ASIC2: variants seen among roughly 807,000 people sequenced by gnomAD.
ASIC2 encodes acid-sensing ion channel 2.
ASIC2 carries 25 observed loss-of-function variants against 57.3 expected under a neutral mutation model. The observed-to-expected ratio is 0.44, with a 90% CI of 0.32 to 0.61. The LOEUF (loss-of-function observed/expected upper bound fraction) is 0.61. ASIC2 is among the 20% of genes least tolerant of loss of function. ASIC2 has a pLI of 0.06. For synonymous variants in ASIC2, 319 were observed against 307.5 expected, an observed-to-expected ratio of 1.04 and a Z score of -0.39; for missense variants, 641 against 738.1, an observed-to-expected ratio of 0.87 and a Z score of 1.52.
chr17:34,032,304 G>A (rs1462681417), intron 1 of ASIC2, among the ~76,000 whole-genome samples: 1 of 152,132 alleles, frequency 6.6e-6, no homozygotes, highest in Non-Finnish European at 1.5e-5. Context: ...TTACAGACAA[G>A]CAAATGCTGA....
chr17:33,553,645 T>G (rs1915818671), intron 1 of ASIC2, among the ~76,000 whole-genome samples: 1 of 152,124 alleles, frequency 6.6e-6, no homozygotes, highest in South Asian at 2.1e-4. Context: ...CTGAGAAAGC[T>G]TCTTTAATAC....
chr17:33,724,501 C>G (rs542223497), intron 1 of ASIC2, among the ~76,000 whole-genome samples: 2 of 152,228 alleles, frequency 1.3e-5, no homozygotes, highest in African/African-American at 4.8e-5. Flanking sequence ...CCTGGGAGAG[C>G]TGAAGGTGAC....
chr17:33,250,996 T>G (rs1312609936), intron 1 of ASIC2, among the ~76,000 whole-genome samples: 1 of 152,246 alleles, frequency 6.6e-6, no homozygotes, highest in Non-Finnish European at 1.5e-5. Context: ...GCAGGCCAAA[T>G]TCTTAATGTT....
At position 34,024,788 on chromosome 17, in the gene ASIC2, T is replaced by C. The variant is rs115400137; in HGVS notation, c.555+131190A>G. Among the ~76,000 whole-genome samples, 1,122 of 152,300 alleles carry C rather than the reference T, an allele frequency of 7.4e-3. 11 individuals carry two copies. Among genetic ancestry groups the C allele is most frequent in the African/African-American group, 0.026 (1,069 of 41,566 alleles). ...CAGGAACTGGATTTCAGAGTCCATT[T>C]TTTTGTGGTTTAGGATCATGTACAC... On this transcript the variant is annotated intron_variant, in intron 1 of 9. Transcript: ENST00000359872.
In ASIC2 at chr17:33,865,770, A is replaced by AC. The variant is rs1317601672; in HGVS notation, c.555+290207_555+290208insG. On this transcript the variant is annotated intron_variant, in intron 1 of 9. Coordinates refer to the ASIC2 transcript ENST00000359872. ...TAATAAAAAAAAAATAAAAAAAAAA[A>AC]ACAAAAAAAAAAACGTTTTTTTATT... Among the ~76,000 whole-genome samples, 335 of 84,204 alleles carry AC rather than the reference A, an allele frequency of 4.0e-3. 2 individuals carry two copies. Among genetic ancestry groups the AC allele is most frequent in the African/African-American group, 0.016 (311 of 19,784 alleles). 55.2% of individuals were successfully genotyped at this position (84,204 alleles called of 152,430 possible).
At chr17:33,985,516 T>C (rs1020663958) in intron 1 of ASIC2, among the ~76,000 whole-genome samples, 2 of 152,176 alleles carry the variant, frequency 1.3e-5, no homozygotes, top group Non-Finnish European at 1.5e-5. Flanking sequence ...CTAAGCAAGA[T>C]GTTAATGGTC....
At chr17:33,996,360 T>C (rs573631964) in intron 1 of ASIC2, among the ~76,000 whole-genome samples, 2 of 152,226 alleles carry the variant, frequency 1.3e-5, no homozygotes, top group South Asian at 2.1e-4. Context: ...TTTGATGCAA[T>C]CTCGTTTGTC....
chr17:33,366,601 C>A lies in ASIC2; in HGVS notation c.556-254534G>T, dbSNP rs144222073. On this transcript the variant is annotated intron_variant, in intron 1 of 9. Coordinates refer to the ASIC2 transcript ENST00000359872. ...TTTCTTATCCTCCCATGGCTTGCAG[C>A]GTTCTCTCTTATAACCCTCACTAAA... 4.1e-3 allele frequency among the ~76,000 whole-genome samples: 628 copies of A among 152,332 alleles called. 8 individuals carry two copies. Among genetic ancestry groups the A allele is most frequent in the African/African-American group, 0.014 (602 of 41,570 alleles).
chr17:33,299,538 TG>T (rs1905864238), intron 1 of ASIC2, among the ~76,000 whole-genome samples: 2 of 108,290 alleles, frequency 1.8e-5, no homozygotes, highest in Non-Finnish European at 3.9e-5. Flanking sequence ...TCCCTCACTC[TG>T]TTTTTTTTTG....
At chr17:33,602,729 T>C (rs1905140873) in intron 1 of ASIC2, among the ~76,000 whole-genome samples, 1 of 152,172 alleles carries the variant, frequency 6.6e-6, no homozygotes, top group Admixed American at 6.5e-5. Flanking sequence ...CACACAAGCC[T>C]CTCCTGTCTC....
intron 1 of ASIC2, among the ~76,000 whole-genome samples, chr17:34,042,608 T>C (rs759282651): frequency 2.6e-5 from 4 of 152,114 alleles, no homozygotes; most frequent in Non-Finnish European, 5.9e-5. Context: ...AAAACATTGA[T>C]GGGGACTATG....
chr17:33,296,508 T>C (rs778859657), upstream of ASIC2, among the ~76,000 whole-genome samples: 1 of 152,222 alleles, frequency 6.6e-6, no homozygotes, highest in African/African-American at 2.4e-5. Flanking sequence ...GAAATTAGCA[T>C]TTAGCATTGT....
chr17:34,025,088 C>T (rs1907325681), intron 1 of ASIC2, among the ~76,000 whole-genome samples: 1 of 152,170 alleles, frequency 6.6e-6, no homozygotes, highest in African/African-American at 2.4e-5. Context: ...CAACACTGCT[C>T]AGGGGAAATC....
At chr17:33,689,807 C>G (rs1400845108) in intron 1 of ASIC2, among the ~76,000 whole-genome samples, 1 of 152,218 alleles carries the variant, frequency 6.6e-6, no homozygotes, top group Non-Finnish European at 1.5e-5. Context: ...GACACAGACA[C>G]ACAGAGCAGA....
intron 1 of ASIC2, among the ~76,000 whole-genome samples, chr17:33,976,937 G>A (rs561424920): frequency 4.6e-5 from 7 of 152,182 alleles, no homozygotes; most frequent in African/African-American, 1.7e-4. Context: ...TTTCCTGTGC[G>A]TCTGCTTGTC....
chr17:33,217,241 T>C (rs1283716888), intron 1 of ASIC2, among the ~76,000 whole-genome samples: 2 of 152,168 alleles, frequency 1.3e-5, no homozygotes, highest in African/African-American at 4.8e-5. Flanking sequence ...ATGTGGGATA[T>C]GAAGGGTGGC....
chr17:33,112,208 G>A (rs956721891), intron 1 of ASIC2, 141 bp from the exon 2 acceptor site: 11 of 1,130,698 alleles, frequency 9.7e-6, no homozygotes, highest in Admixed American at 6.0e-5. Flanking sequence ...GGAACCAGTG[G>A]TTTTTCATCC....
chr17:33,854,588 G>A (rs1014875586), intron 1 of ASIC2, among the ~76,000 whole-genome samples: 3 of 152,208 alleles, frequency 2.0e-5, no homozygotes, highest in Non-Finnish European at 4.4e-5. Context: ...TCAAAGTAGG[G>A]AACTGTGGGT....
chr17:34,097,796 C>T (rs1235124912), intron 1 of ASIC2, among the ~76,000 whole-genome samples: 2 of 152,100 alleles, frequency 1.3e-5, no homozygotes, highest in African/African-American at 2.4e-5. Flanking sequence ...TACTGTGTAT[C>T]TCACTTTACC....
Sources: gnomAD v4.1 joint callset for allele counts (sites outside exome capture counted in the v4.1 genomes callset) on GRCh38, gnomAD v4.1.1 for gene constraint, MANE v1.5 for transcripts, NCBI Gene and HGNC (gene_info 2026-07-23, HGNC 2026-07-21) for gene names.